The following CNOT4 variants were observed in gnomAD, a reference collection of about 807,000 sequenced individuals.
CNOT4 encodes the protein CCR4-NOT transcription complex subunit 4, also known as CCR4-associated factor 4.
CNOT4 carries 8 observed loss-of-function variants against 73.8 expected under a neutral mutation model. The observed-to-expected ratio is 0.11, with a 90% CI of 0.06 to 0.20. The LOEUF (loss-of-function observed/expected upper bound fraction) is 0.20, where lower values mean the gene tolerates loss of function less well. Ranked by LOEUF, CNOT4 falls within the 10% of genes least tolerant of loss-of-function variation. The pLI is 1.00. For synonymous variants in CNOT4, 293 were observed against 321.1 expected (o/e 0.91, Z 0.94); for missense variants, 564 against 883.4 (o/e 0.64, Z 4.58).
chr7:135,447,744 T>A (rs1193346734), intron 1 of CNOT4, among the ~76,000 whole-genome samples: 1 of 152,170 alleles, frequency 6.6e-6, no homozygotes, highest in Non-Finnish European at 1.5e-5. Context: ...TGGAAGAGAT[T>A]CAAAATACAG....
intron 1 of CNOT4, among the ~76,000 whole-genome samples, chr7:135,476,928 TAAAC>T (rs957951450): frequency 6.6e-6 from 1 of 151,942 alleles, no homozygotes; most frequent in Admixed American, 6.6e-5. Flanking sequence ...AACAAACAAA[TAAAC>T]AAAAAGACTG....
chr7:135,362,635 TAAAAAGGCA>T lies in CNOT4; in HGVS notation c.*241_*249del, dbSNP rs1215033591. On this transcript the variant is annotated 3_prime_UTR_variant, in exon 12 of 12. Coordinates refer to ENST00000541284, the MANE Select transcript of CNOT4 (RefSeq NM_001190850.2). ...GCCCTTTGATTTTTTTTTCTCTCCT[TAAAAAGGCA>T]TTTTTAGAAACATTCAACAGTGTCA... 9 of 601,420 alleles carry T rather than the reference TAAAAAGGCA, an allele frequency of 1.5e-5. No homozygotes were observed. Among genetic ancestry groups the T allele is most frequent in the Admixed American group, 5.6e-5 (2 of 35,668 alleles). The allele number at this position is 601,420 out of a possible 1,614,324, so 37.3% of individuals were successfully genotyped here.
chr7:135,505,084 G>T (rs1475993019), intron 1 of CNOT4, among the ~76,000 whole-genome samples: 1 of 152,080 alleles, frequency 6.6e-6, no homozygotes, highest in Admixed American at 6.5e-5. Context: ...AACTCAAGAG[G>T]TGAGATTTTA....
At chr7:135,416,101 G>A (rs1797858495) in intron 3 of CNOT4, among the ~76,000 whole-genome samples, 1 of 152,004 alleles carries the variant, frequency 6.6e-6, no homozygotes, top group Admixed American at 6.6e-5. Context: ...TGTTTTCCTA[G>A]AATGTATCTT....
chr7:135,491,567 A>G (rs939234090), intron 1 of CNOT4, among the ~76,000 whole-genome samples: 2 of 152,256 alleles, frequency 1.3e-5, no homozygotes, highest in South Asian at 4.1e-4. Flanking sequence ...GACATTAACA[A>G]AAGCAATCTT....
chr7:135,392,536 A>G (rs1436204082), intron 10 of CNOT4, among the ~76,000 whole-genome samples: 1 of 152,152 alleles, frequency 6.6e-6, no homozygotes, highest in Non-Finnish European at 1.5e-5. Flanking sequence ...GCTATCTTGA[A>G]TGGAAGGAAA....
intron 1 of CNOT4, among the ~76,000 whole-genome samples, chr7:135,456,099 C>G (rs1800514172): frequency 6.6e-6 from 1 of 152,178 alleles, no homozygotes; most frequent in Admixed American, 6.5e-5. Flanking sequence ...ACTGGCCATT[C>G]AAACATTACA....
In CNOT4 at chr7:135,394,019, A is replaced by G. The variant is rs1228461397; in HGVS notation, c.1526T>C (p.Met509Thr). 4 of 1,613,966 alleles carry G rather than the reference A, an allele frequency of 2.5e-6. No individual in the cohort carries two copies. The highest frequency in any genetic ancestry group is 2.5e-6 in the Non-Finnish European group (3 of 1,179,930). The change falls in exon 10 of 12, where the codon ATG becomes ACG. Residue 509 changes from methionine (M) to threonine (T), a missense_variant. Transcript: ENST00000541284. ...GGGGTTTGCTGTGTGGTTCAAGTGC[A>G]TGATGCTATTGCGTGGAAAGGCCAT... ...PWMAFPRNSI[M>T]HLNHTANPTS...
In CNOT4 at chr7:135,396,695, T is replaced by C. The variant is rs542262135; in HGVS notation, c.880-812A>G. Among the ~76,000 whole-genome samples, 9 of 151,746 alleles carry C rather than the reference T, an allele frequency of 5.9e-5. No homozygotes were observed. In the South Asian group the frequency reaches 1.0e-3, roughly 17 times the overall value. On this transcript the variant is annotated intron_variant, in intron 8 of 11. Coordinates refer to ENST00000541284, the MANE Select transcript of CNOT4 (RefSeq NM_001190850.2). ...TCTTAGGTATTTAATTCAGAAGAAA[T>C]TGAAAGACTTGAGTGGTACTGATAT...
intron 5 of CNOT4, 108 bp from the exon 6 acceptor site, chr7:135,413,721 A>G (rs769059362): frequency 2.7e-4 from 273 of 1,018,888 alleles, no homozygotes; most frequent in Non-Finnish European, 3.6e-4. Flanking sequence ...AGGCACAAAC[A>G]TGACAAAACA....
chr7:135,375,778 A>G (rs975421474), intron 10 of CNOT4, among the ~76,000 whole-genome samples: 8 of 152,206 alleles, frequency 5.3e-5, no homozygotes, highest in African/African-American at 1.4e-4. Context: ...ACAAAAAATT[A>G]GCCAGGCATG....
chr7:135,452,818 T>C (rs564271654), intron 1 of CNOT4, among the ~76,000 whole-genome samples: 1 of 152,320 alleles, frequency 6.6e-6, no homozygotes, highest in African/African-American at 2.4e-5. Context: ...CCTATCAATT[T>C]AATGCTCAGG....
chr7:135,467,807 CAGAG>C (rs1801315209), intron 1 of CNOT4, among the ~76,000 whole-genome samples: 1 of 152,152 alleles, frequency 6.6e-6, no homozygotes, highest in Non-Finnish European at 1.5e-5. Flanking sequence ...AAGGAAAGAA[CAGAG>C]AGAAAACAAG....
At chr7:135,436,034 A>C (rs886945054) in intron 2 of CNOT4, among the ~76,000 whole-genome samples, 10 of 150,984 alleles carry the variant, frequency 6.6e-5, no homozygotes, top group African/African-American at 2.4e-4. Flanking sequence ...TTTTTTAAGC[A>C]GTTTTCTCTT....
chr7:135,413,993 A>G (rs766445105), intron 5 of CNOT4, among the ~76,000 whole-genome samples: 5 of 151,924 alleles, frequency 3.3e-5, no homozygotes, highest in Non-Finnish European at 7.4e-5. Context: ...GCTTAGTGGG[A>G]CTCTTCACTG....
At chr7:135,377,618 C>T (rs1295001728) in intron 10 of CNOT4, among the ~76,000 whole-genome samples, 4 of 152,124 alleles carry the variant, frequency 2.6e-5, no homozygotes, top group East Asian at 1.9e-4. Context: ...TTAATAGGAA[C>T]ACATCTTTTC....
rs58766210 is a variant in CNOT4, at chr7:135,410,384, A to G, written c.821+131T>C. On this transcript the variant is annotated intron_variant, in intron 7 of 11. Transcript: ENST00000541284. Reference sequence around the variant, plus strand: ...CAGAAATTGTGACTCAACATTTCCCATACAGCTAAACAATTCTGCATAAAT... The same window carrying G: ...CAGAAATTGTGACTCAACATTTCCCGTACAGCTAAACAATTCTGCATAAAT... 4.0e-3 allele frequency: 2,292 copies of G among 578,310 alleles called. 57 individuals carry two copies. The African/African-American group carries it at 0.041, about 10-fold the overall frequency. 35.8% of individuals were successfully genotyped at this position (578,310 alleles called of 1,614,324 possible).
intron 1 of CNOT4, among the ~76,000 whole-genome samples, chr7:135,447,545 G>A (rs1016088630): frequency 2.0e-5 from 3 of 152,134 alleles, no homozygotes; most frequent in African/African-American, 4.8e-5. Context: ...TGCTATTTAT[G>A]TAGTAAAATA....
At chr7:135,399,911 T>C (rs1046902704) in intron 7 of CNOT4, among the ~76,000 whole-genome samples, 1 of 152,036 alleles carries the variant, frequency 6.6e-6, no homozygotes, top group Non-Finnish European at 1.5e-5. Flanking sequence ...GGAAAGAAGA[T>C]AAGTGCACAA....
Sources: allele counts gnomAD v4.1 joint callset (sites outside exome capture counted in the v4.1 genomes callset), GRCh38; gene constraint gnomAD v4.1.1; transcripts MANE v1.5; gene names NCBI Gene and HGNC (gene_info 2026-07-23, HGNC 2026-07-21).